CPM: variants seen among roughly 807,000 people sequenced by gnomAD.
CPM encodes the protein renal carboxypeptidase.
A neutral mutation model predicts 46.4 loss-of-function variants in CPM; 35 were observed. The ratio of observed to expected loss-of-function variants is 0.75; its 90% CI spans 0.58 to 1.00. CPM has a LOEUF of 1.00. CPM is among the 50% of genes least tolerant of loss of function. The probability of loss-of-function intolerance (pLI) is 0.00; values close to 1 mark genes in which losing one functional copy is unlikely to be tolerated. For synonymous variants in CPM, 195 were observed against 195.3 expected (o/e 1.00, Z 0.01); for missense variants, 422 against 530.4 (o/e 0.80, Z 2.01).
At chr12:68,939,220 C>A (rs933795310) in intron 1 of CPM, among the ~76,000 whole-genome samples, 2 of 144,944 alleles carry the variant, frequency 1.4e-5, no homozygotes, top group South Asian at 2.1e-4. Context: ...TATATGATGT[C>A]TATACATATA....
chr12:68,869,243 A>G lies in CPM; in HGVS notation c.787+82T>C, dbSNP rs1439761378. Reference sequence around the variant, plus strand: ...GCCTATTGTGCCTAAAGTTCTTTTAACAACTGCTGGATCAAAATAAACCAG... The same window carrying G: ...GCCTATTGTGCCTAAAGTTCTTTTAGCAACTGCTGGATCAAAATAAACCAG... On this transcript the variant is annotated intron_variant, in intron 6 of 8. Transcript: ENST00000551568. The G allele has an allele frequency of 1.3e-5, 18 of 1,364,122 alleles. 2 individuals are homozygous for G. In the South Asian group the frequency reaches 2.3e-4, roughly 18 times the overall value. 84.5% of individuals were successfully genotyped at this position (1,364,122 alleles called of 1,614,324 possible). A position where few individuals can be genotyped will look rare whatever the true frequency, so the allele number is the denominator to read the frequency against.
chr12:68,930,522 A>C (rs1384585293), intron 2 of CPM, among the ~76,000 whole-genome samples: 1 of 152,114 alleles, frequency 6.6e-6, no homozygotes, highest in Non-Finnish European at 1.5e-5. Flanking sequence ...TTGGCAACTG[A>C]CTCCCAGTTA....
intron 1 of CPM, among the ~76,000 whole-genome samples, chr12:68,939,009 GTA>G (rs1393292128): frequency 1.4e-5 from 2 of 146,704 alleles, no homozygotes; most frequent in African/African-American, 2.5e-5. Flanking sequence ...ATATCTGTAA[GTA>G]TATATATAGA....
At chr12:68,915,087 G>T (rs1261717994) in intron 2 of CPM, among the ~76,000 whole-genome samples, 2 of 151,814 alleles carry the variant, frequency 1.3e-5, no homozygotes, top group Non-Finnish European at 2.9e-5. Flanking sequence ...AGCTTCCCAA[G>T]GACAGCGAAC....
chr12:68,878,836 C>T (rs1886068234), intron 3 of CPM, among the ~76,000 whole-genome samples: 1 of 152,166 alleles, frequency 6.6e-6, no homozygotes. Flanking sequence ...TACTTCATTG[C>T]TCTTTAAGAA....
chr12:68,894,767 G>A (rs868782531), intron 2 of CPM, among the ~76,000 whole-genome samples: 1 of 152,118 alleles, frequency 6.6e-6, no homozygotes. Context: ...AGGTGTGGTG[G>A]CTCATGCCTG....
At chr12:68,945,846 C>CTTTTTTTTTTTTTTTT (rs1170064808) in intron 1 of CPM, among the ~76,000 whole-genome samples, 6 of 88,456 alleles carry the variant, frequency 6.8e-5, no homozygotes, top group African/African-American at 9.6e-5. Flanking sequence ...TTCTTTCTTT[C>CTTTTTTTTTTTTTTTT]TTTTTTTTTT....
At chr12:68,932,646 G>A in intron 2 of CPM, 32 bp downstream of exon 2, 1 of 1,610,994 alleles carries the variant, frequency 6.2e-7, no homozygotes, top group Non-Finnish European at 8.5e-7. Flanking sequence ...AGGACTGAGG[G>A]TTTGGCAAAG....
intron 2 of CPM, among the ~76,000 whole-genome samples, chr12:68,888,528 C>G (rs1365104496): frequency 1.3e-5 from 2 of 152,250 alleles, no homozygotes; most frequent in African/African-American, 2.4e-5. Flanking sequence ...TACTGGCTAT[C>G]TCTGGCCTAG....
chr12:68,871,267 C>T (rs1023722121), intron 4 of CPM, among the ~76,000 whole-genome samples: 4 of 152,188 alleles, frequency 2.6e-5, no homozygotes, highest in Non-Finnish European at 5.9e-5. Flanking sequence ...CAACGACAAA[C>T]ACAATGGACA....
At chr12:68,865,960 C>G (rs1026894823) in intron 7 of CPM, among the ~76,000 whole-genome samples, 2 of 152,158 alleles carry the variant, frequency 1.3e-5, no homozygotes, top group African/African-American at 4.8e-5. Flanking sequence ...TTAGCAAGCG[C>G]TCCCGGTGAG....
intron 1 of CPM, among the ~76,000 whole-genome samples, chr12:68,956,066 A>G (rs966704939): frequency 5.3e-5 from 8 of 152,230 alleles, no homozygotes; most frequent in African/African-American, 1.9e-4. Flanking sequence ...TGTTCCTGCT[A>G]AGGGGCTCCT....
chr12:68,859,201 TAG>T, intron 7 of CPM, 130 bp from the exon 8 acceptor site: 1 of 480,808 alleles, frequency 2.1e-6, no homozygotes, highest in African/African-American at 2.0e-5. Flanking sequence ...TATTAAGTGT[TAG>T]AGAGGGAAAA....
chr12:68,926,962 G>A (rs1309635195), intron 2 of CPM, among the ~76,000 whole-genome samples: 9 of 152,236 alleles, frequency 5.9e-5, no homozygotes, highest in East Asian at 1.9e-4. Flanking sequence ...CCAGTCTATC[G>A]TTGTTGGACA....
intron 2 of CPM, among the ~76,000 whole-genome samples, chr12:68,925,366 G>A (rs1023366281): frequency 9.9e-5 from 15 of 152,110 alleles, no homozygotes; most frequent in African/African-American, 1.9e-4. Flanking sequence ...CCATGGTCAC[G>A]TAGCTACAAA....
At chr12:68,863,735 A>G (rs891497516) in intron 7 of CPM, among the ~76,000 whole-genome samples, 5 of 152,208 alleles carry the variant, frequency 3.3e-5, no homozygotes, top group African/African-American at 1.2e-4. Flanking sequence ...CTAAAGCAGA[A>G]GGCCTTTCCT....
In CPM at chr12:68,853,859, AGAAAG is replaced by A. The variant is rs1468372705; in HGVS notation, c.*2573_*2577del. The A allele has an allele frequency of 2.0e-5, 3 of 152,088 alleles. No homozygotes were observed. The highest frequency in any genetic ancestry group is 7.2e-5 in the African/African-American group (3 of 41,392). 9.4% of individuals were successfully genotyped at this position (152,088 alleles called of 1,614,324 possible). A position where few individuals can be genotyped will look rare whatever the true frequency, so the allele number is the denominator to read the frequency against. Reference sequence around the variant, plus strand: ...AAGGTAGGAAGAGGAGAAGGAAGGAAGAAAGGAAAGAAATCTGCTCACCAGAGTTG... The same window carrying A: ...AAGGTAGGAAGAGGAGAAGGAAGGAAGAAAGAAATCTGCTCACCAGAGTTG... On this transcript the variant is annotated 3_prime_UTR_variant, in exon 9 of 9. Transcript: ENST00000551568.
intron 1 of CPM, among the ~76,000 whole-genome samples, chr12:68,951,814 G>GA (rs1888939827): frequency 6.6e-6 from 1 of 152,180 alleles, no homozygotes; most frequent in Admixed American, 6.5e-5. Flanking sequence ...ACTGGGAATG[G>GA]AAATATAAGG....
Position 68,852,730 on chromosome 12 carries a change from GT to G in CPM, c.*3706del, listed in dbSNP as rs1302518468. The G allele has an allele frequency of 9.2e-5, 14 of 151,600 alleles. No individual in the cohort carries two copies. The highest frequency in any genetic ancestry group is 2.2e-4 in the African/African-American group (9 of 41,306). 9.4% of individuals were successfully genotyped at this position (151,600 alleles called of 1,614,324 possible). On this transcript the variant is annotated 3_prime_UTR_variant, in exon 9 of 9. Coordinates refer to ENST00000551568, the MANE Select transcript of CPM (RefSeq NM_198320.5). ...CTGCCACCACGCCCGGCTAATTTTT[GT>G]ATTTTTTTTTAGTAGAGATGGGGTT...
Sources: gnomAD v4.1 joint callset for allele counts (sites outside exome capture counted in the v4.1 genomes callset) on GRCh38, gnomAD v4.1.1 for gene constraint, MANE v1.5 for transcripts, NCBI Gene and HGNC (gene_info 2026-07-23, HGNC 2026-07-21) for gene names.